Variants in IGBP1C observed in about 807,000 individuals in gnomAD.
The protein encoded by IGBP1C is IGBP1 family member C.
chr17:58,662,532 C>A, the IGBP1C span, among the ~76,000 whole-genome samples: 1 of 151,960 alleles, frequency 6.6e-6, no homozygotes, highest in Non-Finnish European at 1.5e-5. Flanking sequence ...CACAGCCCCT[C>A]AGTACAGAAT....
chr17:58,691,236 G>T, the IGBP1C span, among the ~76,000 whole-genome samples: 1 of 152,072 alleles, frequency 6.6e-6, no homozygotes, highest in Non-Finnish European at 1.5e-5. Context: ...GCATGGCTAT[G>T]GCCATTTGAA....
chr17:58,686,422 G>A, the IGBP1C span, among the ~76,000 whole-genome samples: 1 of 152,134 alleles, frequency 6.6e-6, no homozygotes, highest in African/African-American at 2.4e-5. Flanking sequence ...CTGGGAATGG[G>A]GTGAAGGTAA....
the IGBP1C span, among the ~76,000 whole-genome samples, chr17:58,691,538 G>A: frequency 1.3e-5 from 2 of 151,798 alleles, no homozygotes; most frequent in Non-Finnish European, 2.9e-5. Context: ...ATGGTGGCGT[G>A]CGCCTGTAAT....
At chr17:58,674,338 C>T in the IGBP1C span, among the ~76,000 whole-genome samples, 1 of 151,676 alleles carries the variant, frequency 6.6e-6, no homozygotes, top group Admixed American at 6.6e-5. Context: ...TCCTATTGAA[C>T]CCACATCCTT....
At chr17:58,673,185 A>G in the IGBP1C span, among the ~76,000 whole-genome samples, 1 of 151,582 alleles carries the variant, frequency 6.6e-6, no homozygotes, top group East Asian at 2.0e-4. Flanking sequence ...ACATATTAAA[A>G]TATTGTATTG....
the IGBP1C span, among the ~76,000 whole-genome samples, chr17:58,691,086 C>T: frequency 3.9e-5 from 6 of 152,044 alleles, no homozygotes; most frequent in Admixed American, 1.3e-4. Flanking sequence ...AACTCATGAG[C>T]TCAAAGAGAT....
the IGBP1C span, among the ~76,000 whole-genome samples, chr17:58,672,237 C>T: frequency 6.6e-6 from 1 of 152,158 alleles, no homozygotes; most frequent in Non-Finnish European, 1.5e-5. Context: ...TAGTTCCTAA[C>T]AGGCCACCAA....
At chr17:58,686,865 T>C in the IGBP1C span, among the ~76,000 whole-genome samples, 1 of 118,494 alleles carries the variant, frequency 8.4e-6, no homozygotes, top group Admixed American at 8.4e-5. Flanking sequence ...GGTCACCTTT[T>C]TTTTTTTTTT....
the IGBP1C span, among the ~76,000 whole-genome samples, chr17:58,683,501 G>A: frequency 2.0e-5 from 3 of 152,056 alleles, no homozygotes; most frequent in East Asian, 1.9e-4. Flanking sequence ...GGTGGTTTAC[G>A]CCTGTAATCC....
the IGBP1C span, chr17:58,692,015 T>C: frequency 6.5e-6 from 1 of 153,924 alleles, no homozygotes; most frequent in African/African-American, 2.4e-5. Context: ...GGGATACGAC[T>C]CCCGGGAAGA....
At chr17:58,665,669 A>G in the IGBP1C span, among the ~76,000 whole-genome samples, 1 of 152,120 alleles carries the variant, frequency 6.6e-6, no homozygotes, top group Non-Finnish European at 1.5e-5. Flanking sequence ...ATTAAATGAT[A>G]GCAAGGTACA....
At chr17:58,678,540 C>G in the IGBP1C span, among the ~76,000 whole-genome samples, 1 of 152,032 alleles carries the variant, frequency 6.6e-6, no homozygotes, top group African/African-American at 2.4e-5. Flanking sequence ...ATGGATGAAG[C>G]TGGAAACCAT....
chr17:58,667,013 A>G, the IGBP1C span, among the ~76,000 whole-genome samples: 1 of 152,208 alleles, frequency 6.6e-6, no homozygotes, highest in Non-Finnish European at 1.5e-5. Context: ...GCTCGCGTCA[A>G]TGCAAGTGAC....
the IGBP1C span, chr17:58,661,167 T>C: frequency 1.3e-3 from 1,053 of 811,630 alleles, 2 homozygotes; most frequent in Middle Eastern, 4.9e-3. Context: ...GGATAAGCCG[T>C]GGAGGTAATA....
At chr17:58,666,536 C>T in the IGBP1C span, 1 of 148,388 alleles carries the variant, frequency 6.7e-6, no homozygotes, top group Non-Finnish European at 1.5e-5. Context: ...ACTACCACAA[C>T]CAGCAGCAAG....
the IGBP1C span, chr17:58,661,818 T>C: frequency 1.0e-5 from 5 of 485,014 alleles, no homozygotes; most frequent in Non-Finnish European, 1.8e-5. Flanking sequence ...TTTGTCTCTC[T>C]GTTTCCGTTT....
At chr17:58,675,512 T>A in the IGBP1C span, 1 of 152,360 alleles carries the variant, frequency 6.6e-6, no homozygotes, top group East Asian at 1.9e-4. Context: ...AATACAATAT[T>A]GGGGTTATGT....
the IGBP1C span, among the ~76,000 whole-genome samples, chr17:58,664,095 T>C: frequency 6.6e-6 from 1 of 152,186 alleles, no homozygotes; most frequent in Non-Finnish European, 1.5e-5. Context: ...TTTAGTACAA[T>C]TGCTGATTTA....
chr17:58,662,958 A>T, the IGBP1C span, among the ~76,000 whole-genome samples: 1 of 152,058 alleles, frequency 6.6e-6, no homozygotes, highest in East Asian at 1.9e-4. Flanking sequence ...GCACAAAAAA[A>T]TTAGCCGGGC....
Sources: gnomAD v4.1 joint callset for allele counts (sites outside exome capture counted in the v4.1 genomes callset) on GRCh38, gnomAD v4.1.1 for gene constraint, MANE v1.5 for transcripts, NCBI Gene and HGNC (gene_info 2026-07-23, HGNC 2026-07-21) for gene names.